MSN: variants seen among roughly 807,000 people sequenced by gnomAD.
MSN encodes the protein moesin.
In MSN, 2 loss-of-function variants were observed where a neutral mutation model predicts 48.0. The ratio of observed to expected loss-of-function variants is 0.04; its 90% confidence interval spans 0.02 to 0.13. MSN has a LOEUF of 0.13. Ranked by LOEUF, MSN falls within the 10% of genes least tolerant of loss-of-function variation. MSN has a pLI of 1.00. For synonymous variants in MSN, 146 were observed against 166.9 expected (o/e 0.87, Z 0.97); for missense variants, 267 against 470.1 (o/e 0.57, Z 3.99).
intron 1 of MSN, among the ~76,000 whole-genome samples, chrX:65,657,074 C>G (rs2070787380): frequency 9.0e-6 from 1 of 111,461 alleles, no homozygotes; most frequent in Admixed American, 9.6e-5. Context: ...AGGCCAGAGT[C>G]GGGGAGGGCT....
intron 2 of MSN, among the ~76,000 whole-genome samples, chrX:65,727,451 A>T (rs766821286): frequency 1.4e-3 from 157 of 112,075 alleles, no homozygotes; most frequent in African/African-American, 4.5e-3. Flanking sequence ...GTCACTCACA[A>T]CCTGAAACTT....
intron 1 of MSN, among the ~76,000 whole-genome samples, chrX:65,641,023 T>A (rs192238100): frequency 9.2e-6 from 1 of 108,788 alleles, no homozygotes; most frequent in East Asian, 2.9e-4. Context: ...GAACGAGAAT[T>A]GCTTGAACCC....
intron 1 of MSN, among the ~76,000 whole-genome samples, chrX:65,701,509 T>C (rs2071303872): frequency 8.9e-6 from 1 of 112,157 alleles, no homozygotes; most frequent in Admixed American, 9.5e-5. Context: ...TTTGAACTTT[T>C]CAGATGGAAA....
At chrX:65,714,738 A>G (rs1239680800) in intron 1 of MSN, among the ~76,000 whole-genome samples, 1 of 111,308 alleles carries the variant, frequency 9.0e-6, no homozygotes, top group Non-Finnish European at 1.9e-5. Flanking sequence ...ATAGTTTGCA[A>G]ATATTTTCTC....
chrX:65,598,855 A>G (rs927274001), intron 1 of MSN, among the ~76,000 whole-genome samples: 5 of 112,232 alleles, frequency 4.5e-5, no homozygotes, highest in Non-Finnish European at 9.4e-5. Flanking sequence ...ACGAAGACAT[A>G]CAACATACAT....
intron 1 of MSN, among the ~76,000 whole-genome samples, chrX:65,650,842 C>T (rs1365300774): frequency 8.9e-6 from 1 of 111,789 alleles, no homozygotes; most frequent in Non-Finnish European, 1.9e-5. Context: ...GAATAAATTT[C>T]CTTGTCTTTT....
intron 1 of MSN, among the ~76,000 whole-genome samples, chrX:65,621,631 T>A (rs1164950820): frequency 1.8e-5 from 2 of 111,708 alleles, no homozygotes; most frequent in South Asian, 3.7e-4. Flanking sequence ...TAAAAAAAAA[T>A]TTTGAGGATT....
intron 1 of MSN, among the ~76,000 whole-genome samples, chrX:65,655,737 T>C (rs2070776129): frequency 8.9e-6 from 1 of 112,690 alleles, no homozygotes; most frequent in African/African-American, 3.2e-5. Context: ...CCTCTTTTCA[T>C]GATAGCTTGT....
At chrX:65,715,539 C>T (rs748381679) in intron 1 of MSN, among the ~76,000 whole-genome samples, 1 of 111,611 alleles carries the variant, frequency 9.0e-6, no homozygotes, top group South Asian at 3.7e-4. Flanking sequence ...AGAGATCTTT[C>T]GCTTCCCTAG....
chrX:65,675,795 G>A (rs1346719014), intron 1 of MSN, among the ~76,000 whole-genome samples: 4 of 110,971 alleles, frequency 3.6e-5, no homozygotes, highest in African/African-American at 1.3e-4. Context: ...GCGCCACCAC[G>A]CCCAGCCAAT....
In MSN at chrX:65,729,550, T is replaced by G; in HGVS notation, c.305T>G (p.Phe102Cys). ...ATTCAGGACATCACTCAGCGCCTGT[T>G]CTTTCTGCAAGTGAAAGAGGGCATT... is the stretch of plus-strand genomic sequence containing the variant. ...ELIQDITQRL[F>C]FLQVKEGILN... The change falls in exon 4 of 13, where the codon TTC (phenylalanine) becomes TGC (cysteine). Residue 102 changes from phenylalanine to cysteine, a missense_variant. Physicochemically the swap from Phe to Cys is radical, Grantham distance 205. Transcript: ENST00000360270. The G allele has an allele frequency of 8.3e-7, 1 of 1,212,021 alleles. No homozygotes were observed. Among genetic ancestry groups the G allele is most frequent in the Non-Finnish European group, 1.1e-6 (1 of 895,614 alleles).
At chrX:65,665,781 G>T (rs1184699527), upstream of MSN, among the ~76,000 whole-genome samples, 1 of 111,659 alleles carries the variant, frequency 9.0e-6, no homozygotes, top group Non-Finnish European at 1.9e-5. Flanking sequence ...GAGAGGGGGA[G>T]GGAATTACCC....
chrX:65,629,544 T>C (rs746600441), intron 1 of MSN, among the ~76,000 whole-genome samples: 1 of 111,648 alleles, frequency 9.0e-6, no homozygotes, highest in Non-Finnish European at 1.9e-5. Context: ...GATAAAGACA[T>C]ACCCGAGACT....
At chrX:65,739,225 CTA>C (rs1569469273) in intron 12 of MSN, 31 bp downstream of exon 12, 3 of 1,146,542 alleles carry the variant, frequency 2.6e-6, no homozygotes, top group Non-Finnish European at 3.5e-6. Flanking sequence ...GGCAAGGAAA[CTA>C]TATGCATTGA....
At chrX:65,679,676 C>G (rs1184272962) in intron 1 of MSN, among the ~76,000 whole-genome samples, 1 of 112,409 alleles carries the variant, frequency 8.9e-6, no homozygotes, top group African/African-American at 3.2e-5. Context: ...TTTACCCATC[C>G]TCTACTTCTT....
intron 1 of MSN, among the ~76,000 whole-genome samples, chrX:65,656,429 A>C (rs1299551836): frequency 4.5e-5 from 5 of 110,516 alleles, no homozygotes; most frequent in Non-Finnish European, 9.5e-5. Flanking sequence ...CCTTAGAGAA[A>C]CTGAACATAA....
At chrX:65,726,572 G>T (rs2147508730) in intron 2 of MSN, among the ~76,000 whole-genome samples, 1 of 111,021 alleles carries the variant, frequency 9.0e-6, no homozygotes, top group East Asian at 2.8e-4. Context: ...TAGAAACTTT[G>T]TGGATACAGT....
chrX:65,602,740 G>A (rs1219061963), intron 1 of MSN, among the ~76,000 whole-genome samples: 1 of 111,927 alleles, frequency 8.9e-6, no homozygotes, highest in East Asian at 2.8e-4. Flanking sequence ...TCTACCTCAC[G>A]GGGCTGTTGT....
At chrX:65,710,044 C>T (rs1051926174) in intron 1 of MSN, among the ~76,000 whole-genome samples, 3 of 112,099 alleles carry the variant, frequency 2.7e-5, no homozygotes, top group Non-Finnish European at 5.6e-5. Flanking sequence ...TGGAGTAGGA[C>T]TGACTTCTAA....
Sources: gnomAD v4.1 joint callset for allele counts (sites outside exome capture counted in the v4.1 genomes callset) on GRCh38, gnomAD v4.1.1 for gene constraint, MANE v1.5 for transcripts, NCBI Gene and HGNC (gene_info 2026-07-23, HGNC 2026-07-21) for gene names.